The following ATP11B variants were observed in gnomAD, a reference collection of about 807,000 sequenced individuals.
ATP11B encodes ATPase phospholipid transporting 11B (putative).
In ATP11B, 81 loss-of-function variants were observed where a neutral mutation model predicts 157.8. The ratio of observed to expected loss-of-function variants is 0.51; its 90% confidence interval spans 0.43 to 0.62. ATP11B has a LOEUF of 0.62. Ranked by LOEUF, ATP11B falls within the 20% of genes least tolerant of loss-of-function variation. The pLI is 0.00. For missense variants in ATP11B, 1,165 were observed against 1,402.2 expected (o/e 0.83, Z 2.70); for synonymous variants, 451 against 469.4 (o/e 0.96, Z 0.51).
chr3:182,916,113 G>A (rs910902987), intron 29 of ATP11B: 1 of 985,216 alleles, frequency 1.0e-6, no homozygotes, highest in Non-Finnish European at 1.2e-6. Context: ...AATTGCCATA[G>A]ATGCATCAAT....
At chr3:182,834,972 GA>G (rs1456345448) in intron 4 of ATP11B, among the ~76,000 whole-genome samples, 1 of 152,180 alleles carries the variant, frequency 6.6e-6, no homozygotes, top group Non-Finnish European at 1.5e-5. Context: ...GTCAGCTAGA[GA>G]AAAGAACATG....
At chr3:182,799,691 A>G (rs943590529) in intron 1 of ATP11B, among the ~76,000 whole-genome samples, 2 of 152,166 alleles carry the variant, frequency 1.3e-5, no homozygotes, top group Non-Finnish European at 2.9e-5. Context: ...GTAAACGTGT[A>G]TTTTTTAAAA....
At chr3:182,812,416 A>C (rs1411880153) in intron 1 of ATP11B, among the ~76,000 whole-genome samples, 1 of 152,096 alleles carries the variant, frequency 6.6e-6, no homozygotes, top group Non-Finnish European at 1.5e-5. Flanking sequence ...TACTAGTTTC[A>C]CTCCTTATCC....
rs2108518035 is a variant in ATP11B at position 182,844,318 on chromosome 3, C to A, written c.705-1140C>A. On this transcript the variant is annotated intron_variant, in intron 8 of 29. Coordinates refer to ENST00000323116, the MANE Select transcript of ATP11B (RefSeq NM_014616.3). Reference sequence around the variant, plus strand: ...TCCAAATATGACTGTATTGGTTCTCCTTGCTTCATTGCAATTTTTTACAGT... The same window carrying A: ...TCCAAATATGACTGTATTGGTTCTCATTGCTTCATTGCAATTTTTTACAGT... 2.0e-5 allele frequency: 3 copies of A among 152,438 alleles called. No homozygotes were observed. In the Middle Eastern group the frequency reaches 0.01, roughly 518 times the overall value. 9.4% of individuals were successfully genotyped at this position (152,438 alleles called of 1,614,324 possible).
rs1721319235 is a variant in ATP11B, at chr3:182,867,359, A to G, written c.1620-17A>G. On this transcript the variant is annotated splice_polypyrimidine_tract_variant and intron_variant, in intron 14 of 29. Coordinates refer to ENST00000323116, the MANE Select transcript of ATP11B (RefSeq NM_014616.3). ...ATTATTTCTTAAGTCTCACTTTTTTATCCTTTTGATGTCTAGGATTGGTAT... is the reference window on the plus strand; with the variant it reads ...ATTATTTCTTAAGTCTCACTTTTTTGTCCTTTTGATGTCTAGGATTGGTAT... 6.5e-7 allele frequency: 1 copy of G among 1,536,018 alleles called. No individual in the cohort carries two copies. The highest frequency in any genetic ancestry group is 9.0e-7 in the Non-Finnish European group (1 of 1,110,486).
At chr3:182,866,791 A>G (rs2108543077) in intron 14 of ATP11B, among the ~76,000 whole-genome samples, 1 of 147,416 alleles carries the variant, frequency 6.8e-6, no homozygotes, top group South Asian at 2.1e-4. Context: ...ATGTTTGTGT[A>G]TGTGTATATA....
chr3:182,815,846 GGATT>G (rs1469313654), intron 1 of ATP11B, among the ~76,000 whole-genome samples: 3 of 152,010 alleles, frequency 2.0e-5, no homozygotes, highest in Admixed American at 2.0e-4. Flanking sequence ...AAAATCTTTG[GGATT>G]TTAAGATAAT....
At chr3:182,845,561 G>A in intron 9 of ATP11B, 39 bp downstream of exon 9, 1 of 1,382,800 alleles carries the variant, frequency 7.2e-7, no homozygotes, top group South Asian at 1.3e-5. Context: ...ATTGATTTGT[G>A]TTGATGCTTT....
chr3:182,850,320 A>T (rs748904345), intron 10 of ATP11B, among the ~76,000 whole-genome samples: 18 of 152,110 alleles, frequency 1.2e-4, no homozygotes, highest in Non-Finnish European at 2.6e-4. Flanking sequence ...TAAAAATACA[A>T]AAATCAGCCG....
intron 28 of ATP11B, among the ~76,000 whole-genome samples, chr3:182,902,278 G>A (rs955631764): frequency 6.6e-6 from 1 of 152,130 alleles, no homozygotes. Flanking sequence ...GTAACAATGT[G>A]GTGTTAAGAG....
Position 182,880,925 on chromosome 3 carries a change from C to T in ATP11B, c.2453C>T (p.Ala818Val), listed in dbSNP as rs1722378759. The T allele has an allele frequency of 6.2e-7, 1 of 1,604,550 alleles. No homozygotes were observed. Among genetic ancestry groups the T allele is most frequent in the Non-Finnish European group, 8.5e-7 (1 of 1,176,158 alleles). The change falls in exon 21 of 30, where the codon GCT (alanine) becomes GTT (valine). Residue 818 changes from alanine (A) to valine (V), a missense_variant. By Grantham distance (64) the Ala-to-Val change is moderately conservative (BLOSUM62 0). Coordinates refer to ENST00000323116, the MANE Select transcript of ATP11B (RefSeq NM_014616.3). ...TCACCTGAGAAACCTATAACATTGGCTGTTGGTGATGGTGCTAATGACGTA... is the reference window on the plus strand; with the variant it reads ...TCACCTGAGAAACCTATAACATTGGTTGTTGGTGATGGTGCTAATGACGTA... Reference protein sequence around the residue: ...KISPEKPITLAVGDGANDVSM... With the variant: ...KISPEKPITLVVGDGANDVSM...
chr3:182,841,977 C>CAAAAAAAAAAAAAAAAAA, intron 7 of ATP11B, 98 bp from the exon 8 acceptor site: 1 of 330,610 alleles, frequency 3.0e-6, no homozygotes, highest in Non-Finnish European at 5.0e-6. Flanking sequence ...AGACTCGTCT[C>CAAAAAAAAAAAAAAAAAA]AAAAAAAAAA....
chr3:182,803,229 C>T (rs570754480), intron 1 of ATP11B, among the ~76,000 whole-genome samples: 1 of 152,300 alleles, frequency 6.6e-6, no homozygotes, highest in African/African-American at 2.4e-5. Context: ...TTTGTACTGT[C>T]AGACTTGAAA....
At position 182,920,059 on chromosome 3, in the gene ATP11B, G is replaced by C. The variant is rs1725369215; in HGVS notation, c.*1955G>C. The stretch of plus-strand genomic sequence containing the variant: ...GCATATAACAAAATGACACCCAGTA[G>C]GCCTGCATTACATTTACATGACCGT... On this transcript the variant is annotated 3_prime_UTR_variant, in exon 30 of 30. Transcript: ENST00000323116. 2 of 152,108 alleles carry C rather than the reference G, an allele frequency of 1.3e-5. No homozygotes were observed. Among genetic ancestry groups the C allele is most frequent in the African/African-American group, 4.8e-5 (2 of 41,406 alleles). The allele number at this position is 152,108 out of a possible 1,614,324, so 9.4% of individuals were successfully genotyped here.
intron 28 of ATP11B, among the ~76,000 whole-genome samples, chr3:182,909,293 CA>C (rs1724598432): frequency 1.3e-5 from 2 of 152,164 alleles, no homozygotes. Context: ...TGTGCATAGT[CA>C]TGTTGAATAG....
At chr3:182,875,120 A>G (rs1024223359) in intron 19 of ATP11B, among the ~76,000 whole-genome samples, 12 of 152,292 alleles carry the variant, frequency 7.9e-5, no homozygotes, top group South Asian at 2.1e-4. Flanking sequence ...ATGGGGGCAA[A>G]TGATGCCCCA....
In ATP11B at chr3:182,892,224, T is replaced by A. The variant is rs188577538; in HGVS notation, c.2982+2676T>A. ...CCAAGATTCCCTCACCACCACCTAT[T>A]CTTCGCAGTTGAGCCCACAGACGCC... On this transcript the variant is annotated intron_variant, in intron 25 of 29. Transcript: ENST00000323116. Among the ~76,000 whole-genome samples the A allele has an allele frequency of 2.6e-5, 4 of 152,290 alleles. No individual in the cohort carries two copies. In the East Asian group the frequency reaches 7.7e-4, roughly 29 times the overall value.
intron 28 of ATP11B, among the ~76,000 whole-genome samples, chr3:182,912,904 G>GTT (rs149256195): frequency 2.0e-5 from 3 of 149,292 alleles, no homozygotes; most frequent in Non-Finnish European, 4.5e-5. Flanking sequence ...GAAATAAGGT[G>GTT]TTTTTTTTTT....
At chr3:182,807,651 A>G (rs761525998) in intron 1 of ATP11B, among the ~76,000 whole-genome samples, 2 of 152,198 alleles carry the variant, frequency 1.3e-5, no homozygotes, top group Non-Finnish European at 2.9e-5. Context: ...AATAGCTTTT[A>G]TCATATCCAT....
Sources: allele counts gnomAD v4.1 joint callset (sites outside exome capture counted in the v4.1 genomes callset), GRCh38; gene constraint gnomAD v4.1.1; transcripts MANE v1.5; gene names NCBI Gene and HGNC (gene_info 2026-07-23, HGNC 2026-07-21).